The following SLC4A10 variants were observed in gnomAD, a reference collection of about 807,000 sequenced individuals.
SLC4A10 encodes the protein solute carrier family 4 member 10.
A neutral mutation model predicts 137.7 loss-of-function variants in SLC4A10; 42 were observed. That is an observed-to-expected ratio of 0.30 (90% CI 0.24 to 0.39). SLC4A10 has a LOEUF of 0.39. Among genes scored for constraint, SLC4A10 ranks in the 10% least tolerant of loss-of-function variants. SLC4A10 has a pLI of 1.00. For synonymous variants in SLC4A10, 474 were observed against 464.1 expected (o/e 1.02, Z -0.27); for missense variants, 925 against 1,355.0 (o/e 0.68, Z 4.98).
At chr2:161,912,758 C>G (rs1686160922) in intron 15 of SLC4A10, among the ~76,000 whole-genome samples, 1 of 152,154 alleles carries the variant, frequency 6.6e-6, no homozygotes, top group Non-Finnish European at 1.5e-5. Flanking sequence ...ACTTGTTAAT[C>G]AGTGTACTGA....
chr2:161,807,263 C>A (rs1015315155), intron 3 of SLC4A10, among the ~76,000 whole-genome samples: 6 of 152,062 alleles, frequency 3.9e-5, no homozygotes, highest in Non-Finnish European at 7.4e-5. Context: ...AAATGTGAAC[C>A]TTTTACTATT....
At chr2:161,708,640 T>C (rs1362694477) in intron 1 of SLC4A10, 3 of 1,446,508 alleles carry the variant, frequency 2.1e-6, no homozygotes, top group Admixed American at 2.8e-5. Flanking sequence ...ATCTTGATGA[T>C]GGCTTAAACA....
At chr2:161,732,630 G>A (rs938696126) in intron 1 of SLC4A10, among the ~76,000 whole-genome samples, 5 of 152,152 alleles carry the variant, frequency 3.3e-5, no homozygotes, top group Non-Finnish European at 2.9e-5. Context: ...ATCACATCCC[G>A]AAAGCAGGAG....
At chr2:161,935,017 G>A (rs1214530601) in intron 15 of SLC4A10, among the ~76,000 whole-genome samples, 1 of 152,054 alleles carries the variant, frequency 6.6e-6, no homozygotes, top group Non-Finnish European at 1.5e-5. Context: ...CAGACAAATG[G>A]CAATGTTTTC....
chr2:161,825,891 A>G (rs1378268566), intron 3 of SLC4A10, among the ~76,000 whole-genome samples: 1 of 152,204 alleles, frequency 6.6e-6, no homozygotes, highest in Non-Finnish European at 1.5e-5. Context: ...GTGAAAAATT[A>G]GAGTCACATA....
At chr2:161,955,966 G>A (rs2105858353) in intron 19 of SLC4A10, among the ~76,000 whole-genome samples, 1 of 152,186 alleles carries the variant, frequency 6.6e-6, no homozygotes, top group South Asian at 2.1e-4. Context: ...AACTTTTATT[G>A]ATTGCTTATT....
At chr2:161,782,076 A>G (rs1471233982) in intron 2 of SLC4A10, among the ~76,000 whole-genome samples, 1 of 152,046 alleles carries the variant, frequency 6.6e-6, no homozygotes, top group Non-Finnish European at 1.5e-5. Flanking sequence ...GGTGGCTTAG[A>G]TTGGTAGCCA....
chr2:161,629,700 A>G (rs1470765196), intron 1 of SLC4A10, among the ~76,000 whole-genome samples: 1 of 151,826 alleles, frequency 6.6e-6, no homozygotes, highest in Non-Finnish European at 1.5e-5. Context: ...TGCTCTGCCT[A>G]TTCATCCCTC....
At chr2:161,748,927 C>T (rs139500406) in intron 1 of SLC4A10, among the ~76,000 whole-genome samples, 64 of 152,102 alleles carry the variant, frequency 4.2e-4, no homozygotes, top group Non-Finnish European at 7.5e-4. Flanking sequence ...GATGTCTTTC[C>T]ATTTAATTGT....
At chr2:161,818,960 A>C (rs1414258705) in intron 3 of SLC4A10, among the ~76,000 whole-genome samples, 3 of 152,110 alleles carry the variant, frequency 2.0e-5, no homozygotes, top group African/African-American at 7.2e-5. Context: ...TGTCTCTGCC[A>C]GGGTTTGGTA....
rs543381203 is a variant in SLC4A10, at chr2:161,894,559, GCTGT to G, written c.1195-117_1195-114del. On this transcript the variant is annotated intron_variant, in intron 10 of 26. Transcript: ENST00000446997. ...CAACATAAACTTCTTTAGAGTCAGA[GCTGT>G]CTATTTCTTCAAATTGTTATAATCA... The G allele has an allele frequency of 9.0e-4, 376 of 415,528 alleles. 1 individual carries two copies. The highest frequency in any genetic ancestry group is 6.6e-3 in the African/African-American group (316 of 47,906). The allele number at this position is 415,528 out of a possible 1,614,324, so 25.7% of individuals were successfully genotyped here. A position where few individuals can be genotyped will look rare whatever the true frequency, so the allele number is the denominator to read the frequency against.
chr2:161,777,179 T>A (rs776563494), intron 2 of SLC4A10, among the ~76,000 whole-genome samples: 54 of 151,582 alleles, frequency 3.6e-4, no homozygotes, highest in Non-Finnish European at 6.2e-4. Context: ...GGTAAAAAAA[T>A]TTTTAATTAT....
At chr2:161,938,191 A>G (rs539309440) in intron 15 of SLC4A10, among the ~76,000 whole-genome samples, 70 of 152,316 alleles carry the variant, frequency 4.6e-4, no homozygotes. Flanking sequence ...GAATCGCTTG[A>G]ACCTGGGAGG....
At chr2:161,699,892 C>G (rs2042951661) in intron 1 of SLC4A10, among the ~76,000 whole-genome samples, 1 of 152,060 alleles carries the variant, frequency 6.6e-6, no homozygotes, top group Admixed American at 6.6e-5. Context: ...GAATTAAGCA[C>G]TTTATAATTT....
intron 4 of SLC4A10, among the ~76,000 whole-genome samples, chr2:161,841,949 A>C (rs2125799394): frequency 6.6e-6 from 1 of 152,296 alleles, no homozygotes; most frequent in Non-Finnish European, 1.5e-5. Flanking sequence ...TATAATATAC[A>C]GTGTTCATAT....
At chr2:161,827,797 C>T (rs1486303332) in intron 3 of SLC4A10, among the ~76,000 whole-genome samples, 1 of 152,146 alleles carries the variant, frequency 6.6e-6, no homozygotes, top group Admixed American at 6.5e-5. Flanking sequence ...GATCTCCTGA[C>T]CTCGTGATCC....
intron 1 of SLC4A10, among the ~76,000 whole-genome samples, chr2:161,760,108 G>A (rs1003325284): frequency 7.2e-5 from 11 of 151,988 alleles, no homozygotes; most frequent in African/African-American, 2.7e-4. Context: ...GAGGATTCAT[G>A]TCCTCTATCA....
At position 161,957,191 on chromosome 2, in the gene SLC4A10, T is replaced by C; in HGVS notation, c.2744T>C (p.Met915Thr). The C allele has an allele frequency of 2.5e-6, 4 of 1,613,784 alleles. No individual in the cohort carries two copies. The highest frequency in any genetic ancestry group is 3.4e-6 in the Non-Finnish European group (4 of 1,179,812). ...GIREQRVTGL[M>T]IFILMGSSVF... ...CGGGAGCAAAGGGTTACTGGGCTTA[T>C]GATTTTTATTCTTATGGGTTCATCA... The change falls in exon 20 of 27, where the codon ATG becomes ACG. Residue 915 changes from methionine (M) to threonine (T), a missense_variant. Around this residue, in one of 11 missense-constraint regions of SLC4A10, gnomAD observed 115 missense variants for 237.5 expected, o/e 0.48. Coordinates refer to ENST00000446997, the MANE Select transcript of SLC4A10 (RefSeq NM_001178015.2).
At chr2:161,936,094 T>A (rs1027076024) in intron 15 of SLC4A10, among the ~76,000 whole-genome samples, 8 of 152,222 alleles carry the variant, frequency 5.3e-5, no homozygotes, top group Admixed American at 1.3e-4. Flanking sequence ...CATTTATAGA[T>A]TCGTAAATGT....
Sources: gnomAD v4.1 joint callset for allele counts (sites outside exome capture counted in the v4.1 genomes callset) on GRCh38, gnomAD v4.1.1 for gene constraint, gnomAD v4.1.1 regional missense constraint, MANE v1.5 for transcripts, NCBI Gene and HGNC (gene_info 2026-07-23, HGNC 2026-07-21) for gene names.